Variants in RORA observed in about 807,000 individuals in gnomAD.
RORA encodes nuclear receptor ROR-alpha.
Under a neutral mutation model 69.5 loss-of-function variants are expected in RORA, and 7 were observed. The observed-to-expected ratio is 0.10, with a 90% CI of 0.06 to 0.19. RORA has a LOEUF of 0.19. Ranked by LOEUF, RORA falls within the 10% of genes least tolerant of loss-of-function variation. The pLI is 1.00. For synonymous variants in RORA, 261 were observed against 240.8 expected (o/e 1.08, Z -0.78); for missense variants, 457 against 663.0 (o/e 0.69, Z 3.41).
intron 1 of RORA, among the ~76,000 whole-genome samples, chr15:60,895,497 G>C (rs1211829601): frequency 5.9e-5 from 9 of 152,196 alleles, no homozygotes; most frequent in Admixed American, 5.9e-4. Context: ...TTTCTCAACA[G>C]TCGTAAATGG....
chr15:60,608,741 A>G (rs2069011432), intron 2 of RORA, among the ~76,000 whole-genome samples: 1 of 152,258 alleles, frequency 6.6e-6, no homozygotes. Flanking sequence ...TACACTTTTT[A>G]TATTATCTAA....
chr15:61,027,530 C>T (rs948478710), intron 1 of RORA, among the ~76,000 whole-genome samples: 1 of 152,118 alleles, frequency 6.6e-6, no homozygotes, highest in African/African-American at 2.4e-5. Context: ...AATTAGGAAA[C>T]TGGGACTCAG....
At chr15:60,783,506 T>G (rs1365273622) in intron 1 of RORA, among the ~76,000 whole-genome samples, 2 of 152,230 alleles carry the variant, frequency 1.3e-5, no homozygotes, top group African/African-American at 4.8e-5. Context: ...TGAGAACACT[T>G]AAAACACAAA....
chr15:61,030,834 T>C (rs771845396), intron 1 of RORA, among the ~76,000 whole-genome samples: 1 of 151,896 alleles, frequency 6.6e-6, no homozygotes, highest in Non-Finnish European at 1.5e-5. Flanking sequence ...CTCTTCCCCA[T>C]TAATTTTGAG....
At chr15:60,811,051 G>A (rs990772409) in intron 1 of RORA, among the ~76,000 whole-genome samples, 44 of 152,098 alleles carry the variant, frequency 2.9e-4, no homozygotes, top group African/African-American at 3.1e-4. Context: ...AGACAAGTCC[G>A]AAAGAGAAAG....
chr15:60,781,253 G>A (rs1035277134), intron 1 of RORA, among the ~76,000 whole-genome samples: 1 of 152,144 alleles, frequency 6.6e-6, no homozygotes, highest in African/African-American at 2.4e-5. Context: ...CTCATCTCTG[G>A]TGCCCGCAGC....
At chr15:60,592,674 C>T (rs1010722415) in intron 2 of RORA, 4 of 1,071,394 alleles carry the variant, frequency 3.7e-6, no homozygotes, top group Non-Finnish European at 3.4e-6. Context: ...CGCGCCCCAG[C>T]GCCGCGCCCC....
At chr15:61,210,928 C>T (rs1028216645) in intron 1 of RORA, among the ~76,000 whole-genome samples, 2 of 152,346 alleles carry the variant, frequency 1.3e-5, no homozygotes, top group East Asian at 1.9e-4. Flanking sequence ...CCTCAGCTGT[C>T]GCTGGAGCTC....
rs111819720 is a variant in RORA, at chr15:60,724,563, T to C, written c.167-45877A>G. 7.9e-4 allele frequency among the ~76,000 whole-genome samples: 120 copies of C among 152,284 alleles called. 1 individual carries two copies. Among genetic ancestry groups the C allele is most frequent in the African/African-American group, 2.6e-3 (109 of 41,554 alleles). On this transcript the variant is annotated intron_variant, in intron 1 of 10. Transcript: ENST00000335670. ...GCTCGGACTCAGTAGCTTTCCCTAT[T>C]GTTTGACTTTAGGACTCCGATGCTG...
chr15:60,989,044 T>C (rs1266601842), intron 1 of RORA, among the ~76,000 whole-genome samples: 1 of 152,204 alleles, frequency 6.6e-6, no homozygotes, highest in African/African-American at 2.4e-5. Flanking sequence ...GGAAAAGTAT[T>C]CTTATTTTAT....
chr15:60,726,479 G>A (rs568294447), intron 1 of RORA, among the ~76,000 whole-genome samples: 1 of 152,284 alleles, frequency 6.6e-6, no homozygotes, highest in African/African-American at 2.4e-5. Context: ...AACAGAATTG[G>A]GACAAGGTTG....
At chr15:61,175,839 CT>C (rs1310446795) in intron 1 of RORA, among the ~76,000 whole-genome samples, 3 of 152,174 alleles carry the variant, frequency 2.0e-5, no homozygotes, top group Non-Finnish European at 2.9e-5. Flanking sequence ...CTGAGTTGGG[CT>C]TGTCTTCTTT....
At chr15:61,034,392 A>G (rs1896343814) in intron 1 of RORA, among the ~76,000 whole-genome samples, 1 of 152,198 alleles carries the variant, frequency 6.6e-6, no homozygotes, top group Admixed American at 6.6e-5. Context: ...TATAGAGGCT[A>G]TTCCTGGATC....
chr15:60,944,290 T>C (rs962918486), intron 1 of RORA, among the ~76,000 whole-genome samples: 1 of 152,154 alleles, frequency 6.6e-6, no homozygotes, highest in Non-Finnish European at 1.5e-5. Context: ...GATCCTCCCA[T>C]GCAACTAGAG....
At chr15:60,976,777 G>A (rs866539419) in intron 1 of RORA, among the ~76,000 whole-genome samples, 1 of 152,126 alleles carries the variant, frequency 6.6e-6, no homozygotes, top group African/African-American at 2.4e-5. Context: ...GAGTGAGCAG[G>A]GATTGCAGGG....
chr15:60,634,755 G>T (rs1445216260), intron 2 of RORA, among the ~76,000 whole-genome samples: 6 of 152,048 alleles, frequency 3.9e-5, no homozygotes, highest in Non-Finnish European at 8.8e-5. Flanking sequence ...TGAAGCCCAG[G>T]TAATTTTCCC....
intron 1 of RORA, among the ~76,000 whole-genome samples, chr15:60,880,633 CA>C (rs566194822): frequency 3.3e-5 from 5 of 150,390 alleles, no homozygotes; most frequent in Non-Finnish European, 5.9e-5. Context: ...GAAAGACTGT[CA>C]AAAAAAAACC....
chr15:61,041,418 G>A (rs201263061), intron 1 of RORA, among the ~76,000 whole-genome samples: 11,223 of 151,936 alleles, frequency 0.074, 474 homozygotes, highest in African/African-American at 0.12. Context: ...AAGGCAGTAA[G>A]AAAAGGAGGA....
chr15:61,072,263 C>G lies in RORA; in HGVS notation c.166+156790G>C, dbSNP rs1021580808. Among the ~76,000 whole-genome samples the G allele has an allele frequency of 2.0e-5, 3 of 152,126 alleles. No homozygotes were observed. The East Asian group carries it at 5.8e-4, about 29-fold the overall frequency. On this transcript the variant is annotated intron_variant, in intron 1 of 10. Transcript: ENST00000335670. ...GAGAAGACATCATTACCTGTATATG[C>G]CCCCTCTTCTCAGTTCCCTCAATGG... is the stretch of plus-strand genomic sequence containing the variant.
Sources: allele counts gnomAD v4.1 joint callset (sites outside exome capture counted in the v4.1 genomes callset), GRCh38; gene constraint gnomAD v4.1.1; transcripts MANE v1.5; gene names NCBI Gene and HGNC (gene_info 2026-07-23, HGNC 2026-07-21).